SMAD1: variants seen among roughly 807,000 people sequenced by gnomAD.
The protein encoded by SMAD1 is SMAD family member 1.
In SMAD1, 6 loss-of-function variants were observed where a neutral mutation model predicts 41.6. The ratio of observed to expected loss-of-function variants is 0.14; its 90% CI spans 0.08 to 0.28. The LOEUF (loss-of-function observed/expected upper bound fraction) is 0.28, where lower values mean the gene tolerates loss of function less well. Among genes scored for constraint, SMAD1 ranks in the 10% least tolerant of loss-of-function variants. The pLI is 1.00. For missense variants in SMAD1, 379 were observed against 582.6 expected (o/e 0.65, Z 3.60); for synonymous variants, 206 against 203.2 (o/e 1.01, Z -0.12).
chr4:145,489,999 T>C (rs573766244), intron 1 of SMAD1, among the ~76,000 whole-genome samples: 1 of 151,994 alleles, frequency 6.6e-6, no homozygotes, highest in Admixed American at 6.5e-5. Flanking sequence ...TAGAAGTAGG[T>C]TTGGAGGGGA....
intron 2 of SMAD1, among the ~76,000 whole-genome samples, chr4:145,518,971 G>T (rs1321597371): frequency 8.0e-6 from 1 of 124,514 alleles, no homozygotes; most frequent in African/African-American, 2.5e-5. Flanking sequence ...ATGATCAAAT[G>T]AGGCTAATTA....
intron 5 of SMAD1, among the ~76,000 whole-genome samples, chr4:145,547,945 A>G (rs1732339292): frequency 6.6e-6 from 1 of 152,188 alleles, no homozygotes; most frequent in Admixed American, 6.5e-5. Context: ...AGCAATAAGC[A>G]CATCTAGTGT....
In SMAD1 at chr4:145,558,800, CTG is replaced by C. The variant is rs1230699841; in HGVS notation, c.*869_*870del. 6.6e-6 allele frequency among the ~76,000 whole-genome samples: 1 copy of C among 152,090 alleles called. No homozygotes were observed. The highest frequency in any genetic ancestry group is 1.9e-4 in the East Asian group (1 of 5,198). ...TTCTGCAGCTGGTTAATTCATGTAACTGTGAGAGCAAATGAATAATTCCTGCT... is the reference window on the plus strand; with the variant it reads ...TTCTGCAGCTGGTTAATTCATGTAACTGAGAGCAAATGAATAATTCCTGCT... On this transcript the variant is annotated 3_prime_UTR_variant, in exon 7 of 7. Coordinates refer to ENST00000302085, the MANE Select transcript of SMAD1 (RefSeq NM_005900.3).
At chr4:145,527,303 G>A (rs975444594) in intron 2 of SMAD1, among the ~76,000 whole-genome samples, 4 of 150,338 alleles carry the variant, frequency 2.7e-5, no homozygotes, top group Non-Finnish European at 4.4e-5. Context: ...GGCTCACTGC[G>A]AGCTCCGCCT....
chr4:145,499,651 G>A (rs988865053), intron 1 of SMAD1, among the ~76,000 whole-genome samples: 1 of 152,058 alleles, frequency 6.6e-6, no homozygotes, highest in Non-Finnish European at 1.5e-5. Flanking sequence ...TGTGCATAAG[G>A]TGTAGATGAA....
At chr4:145,503,284 G>A (rs1240955495) in intron 1 of SMAD1, among the ~76,000 whole-genome samples, 1 of 152,100 alleles carries the variant, frequency 6.6e-6, no homozygotes, top group Non-Finnish European at 1.5e-5. Flanking sequence ...GCAGAGTTCT[G>A]TGTTCTCTGT....
chr4:145,538,778 G>A (rs1004990221), intron 2 of SMAD1, among the ~76,000 whole-genome samples: 1 of 152,152 alleles, frequency 6.6e-6, no homozygotes, highest in Non-Finnish European at 1.5e-5. Context: ...GAGGCCACAG[G>A]AGCTGGAGGG....
intron 5 of SMAD1, among the ~76,000 whole-genome samples, chr4:145,547,939 A>C (rs762931150): frequency 3.9e-5 from 6 of 152,226 alleles, no homozygotes; most frequent in Admixed American, 3.9e-4. Flanking sequence ...CCCAGTAGCA[A>C]TAAGCACATC....
intron 1 of SMAD1, among the ~76,000 whole-genome samples, chr4:145,498,569 C>A (rs1729230170): frequency 6.6e-6 from 1 of 152,156 alleles, no homozygotes. Context: ...AGTTGGCTCT[C>A]CTGCACTCCC....
chr4:145,489,069 A>G (rs1043646780), intron 1 of SMAD1, among the ~76,000 whole-genome samples: 1 of 152,246 alleles, frequency 6.6e-6, no homozygotes, highest in Non-Finnish European at 1.5e-5. Context: ...AGTGATGGAA[A>G]TGTTCCACAT....
intron 4 of SMAD1, among the ~76,000 whole-genome samples, chr4:145,543,441 C>CT (rs1732064473): frequency 6.6e-6 from 1 of 152,140 alleles, no homozygotes; most frequent in African/African-American, 2.4e-5. Flanking sequence ...TTTTTCAGCT[C>CT]TTATGTATGT....
At chr4:145,504,232 G>A (rs933882675) in intron 1 of SMAD1, among the ~76,000 whole-genome samples, 1 of 152,152 alleles carries the variant, frequency 6.6e-6, no homozygotes, top group African/African-American at 2.4e-5. Context: ...TGAAAACCTG[G>A]TTAGCTCCTA....
At chr4:145,491,896 T>A (rs1355354722) in intron 1 of SMAD1, among the ~76,000 whole-genome samples, 1 of 152,174 alleles carries the variant, frequency 6.6e-6, no homozygotes, top group African/African-American at 2.4e-5. Flanking sequence ...ATTTGCTCAT[T>A]GATGTGAGAC....
intron 2 of SMAD1, among the ~76,000 whole-genome samples, chr4:145,526,667 G>A (rs1032398802): frequency 6.6e-6 from 1 of 151,610 alleles, no homozygotes; most frequent in Non-Finnish European, 1.5e-5. Flanking sequence ...AGGAATCCAT[G>A]CTGAAGATGA....
intron 4 of SMAD1, among the ~76,000 whole-genome samples, 188 bp downstream of exon 4, chr4:145,542,886 GACTTA>G (rs1330630558): frequency 6.6e-6 from 1 of 152,186 alleles, no homozygotes; most frequent in Non-Finnish European, 1.5e-5. Context: ...CAAATACACT[GACTTA>G]ACTAATGAAG....
chr4:145,551,535 TAAGA>T (rs1732557720), intron 5 of SMAD1, among the ~76,000 whole-genome samples: 1 of 151,988 alleles, frequency 6.6e-6, no homozygotes, highest in Non-Finnish European at 1.5e-5. Context: ...GGGAAGCAAA[TAAGA>T]AAGTATATCC....
intron 2 of SMAD1, 62 bp from the exon 3 acceptor site, chr4:145,539,742 G>A: frequency 6.7e-7 from 1 of 1,497,368 alleles, no homozygotes; most frequent in Non-Finnish European, 9.2e-7. Context: ...ACTTTATTGT[G>A]ATGTAATTAT....
intron 1 of SMAD1, among the ~76,000 whole-genome samples, chr4:145,498,439 G>A (rs1368583082): frequency 6.6e-6 from 1 of 151,954 alleles, no homozygotes; most frequent in Non-Finnish European, 1.5e-5. Context: ...GCCACCTGTT[G>A]GTCATAATGC....
intron 1 of SMAD1, chr4:145,497,361 A>G (rs972998867): frequency 6.6e-6 from 1 of 152,230 alleles, no homozygotes; most frequent in Non-Finnish European, 1.5e-5. Flanking sequence ...TTCTCCTTAG[A>G]TGAAGAGCCT....
Sources: gnomAD v4.1 joint callset for allele counts (sites outside exome capture counted in the v4.1 genomes callset) on GRCh38, gnomAD v4.1.1 for gene constraint, MANE v1.5 for transcripts, NCBI Gene and HGNC (gene_info 2026-07-23, HGNC 2026-07-21) for gene names.